The following MAP7 variants were observed in gnomAD, a reference collection of about 807,000 sequenced individuals.
MAP7 encodes microtubule associated protein 7.
A neutral mutation model predicts 94.8 loss-of-function variants in MAP7; 52 were observed. The ratio of observed to expected loss-of-function variants is 0.55; its 90% confidence interval spans 0.44 to 0.69. The LOEUF is 0.69. Among genes scored for constraint, MAP7 ranks in the 30% least tolerant of loss-of-function variants. The pLI is 0.00. For missense variants in MAP7, 940 were observed against 964.6 expected, an observed-to-expected ratio of 0.97 and a Z score of 0.34; for synonymous variants, 350 against 357.0, an observed-to-expected ratio of 0.98 and a Z score of 0.22.
chr6:136,413,126 C>T (rs1455426921), intron 2 of MAP7, among the ~76,000 whole-genome samples: 1 of 152,132 alleles, frequency 6.6e-6, no homozygotes, highest in Non-Finnish European at 1.5e-5. Context: ...CGCGCCATTG[C>T]ACTCCAGCCT....
chr6:136,373,658 A>T (rs1315705937), intron 7 of MAP7, among the ~76,000 whole-genome samples: 1 of 152,236 alleles, frequency 6.6e-6, no homozygotes, highest in Non-Finnish European at 1.5e-5. Context: ...TAGCAAAAAT[A>T]AGACAATTAA....
At chr6:136,399,851 T>G (rs1347073982) in intron 3 of MAP7, among the ~76,000 whole-genome samples, 3 of 152,172 alleles carry the variant, frequency 2.0e-5, no homozygotes, top group Admixed American at 6.5e-5. Context: ...AAGGGAGTTG[T>G]AGAATAAAAT....
intron 1 of MAP7, among the ~76,000 whole-genome samples, chr6:136,451,879 C>T (rs1418358125): frequency 6.6e-6 from 1 of 152,176 alleles, no homozygotes; most frequent in Non-Finnish European, 1.5e-5. Flanking sequence ...AATCTGAATA[C>T]TGAATTGCTG....
chr6:136,356,121 A>G (rs566962967), intron 16 of MAP7, among the ~76,000 whole-genome samples: 2 of 152,362 alleles, frequency 1.3e-5, no homozygotes, highest in Non-Finnish European at 2.9e-5. Flanking sequence ...GATATGGTCC[A>G]TATCAGGCTA....
chr6:136,410,313 A>C (rs575488465), intron 3 of MAP7, among the ~76,000 whole-genome samples: 16 of 152,340 alleles, frequency 1.1e-4, no homozygotes, highest in Admixed American at 3.9e-4. Context: ...AGTGTAAATA[A>C]CAGCCACCCT....
chr6:136,493,304 G>C (rs1817242031), intron 1 of MAP7, among the ~76,000 whole-genome samples: 1 of 152,042 alleles, frequency 6.6e-6, no homozygotes, highest in African/African-American at 2.4e-5. Flanking sequence ...TGTATTTTTA[G>C]AAGAGACGGG....
At chr6:136,408,641 G>A (rs114767591) in intron 3 of MAP7, among the ~76,000 whole-genome samples, 3 of 151,918 alleles carry the variant, frequency 2.0e-5, no homozygotes, top group South Asian at 2.1e-4. Context: ...AATGGTGTCC[G>A]ATTTTTTTTA....
rs549446539 is a variant in MAP7 at position 136,385,178 on chromosome 6, T to TTACC, written c.527-1398_527-1397insGGTA. ...CCTGTGTATTTTTGACTACTATTTA[T>TTACC]AGCACACTGGTAATAAGCAAGTCTT... On this transcript the variant is annotated intron_variant, in intron 5 of 17. Transcript: ENST00000354570. 2.0e-4 allele frequency among the ~76,000 whole-genome samples: 31 copies of TTACC among 152,334 alleles called. No homozygotes were observed. The East Asian group carries it at 5.0e-3, about 25-fold the overall frequency.
chr6:136,546,050 T>G (rs1314876037), intron 1 of MAP7, among the ~76,000 whole-genome samples: 5 of 152,222 alleles, frequency 3.3e-5, no homozygotes, highest in Non-Finnish European at 7.3e-5. Context: ...TCTCGCTCTG[T>G]CACCCAGGCT....
chr6:136,548,366 G>C (rs1432549676), intron 1 of MAP7, among the ~76,000 whole-genome samples: 1 of 151,956 alleles, frequency 6.6e-6, no homozygotes, highest in African/African-American at 2.4e-5. Flanking sequence ...TTTGGCACCT[G>C]CTGACACAAA....
chr6:136,539,634 T>A (rs970639884), intron 1 of MAP7, among the ~76,000 whole-genome samples: 3 of 152,036 alleles, frequency 2.0e-5, no homozygotes, highest in African/African-American at 7.3e-5. Context: ...AAGCTTCAAA[T>A]CACAAAAGAT....
intron 1 of MAP7, among the ~76,000 whole-genome samples, chr6:136,471,876 C>G (rs1428859437): frequency 3.9e-5 from 6 of 152,214 alleles, no homozygotes; most frequent in African/African-American, 9.6e-5. Flanking sequence ...CCAGCTATGA[C>G]TGGCTTTCCT....
At chr6:136,494,468 T>C (rs767224733) in intron 1 of MAP7, among the ~76,000 whole-genome samples, 11 of 152,206 alleles carry the variant, frequency 7.2e-5, no homozygotes, top group Non-Finnish European at 1.2e-4. Flanking sequence ...GAAATACTTG[T>C]GCAGAAAAAT....
intron 1 of MAP7, among the ~76,000 whole-genome samples, chr6:136,457,982 G>T (rs1803905523): frequency 6.6e-6 from 1 of 152,024 alleles, no homozygotes; most frequent in Non-Finnish European, 1.5e-5. Flanking sequence ...CACTGAAAAG[G>T]AAGAAGTAAA....
At chr6:136,512,053 A>C (rs915550687) in intron 1 of MAP7, among the ~76,000 whole-genome samples, 6 of 152,238 alleles carry the variant, frequency 3.9e-5, no homozygotes, top group Non-Finnish European at 7.3e-5. Context: ...GGTCGTTAAT[A>C]CAAAATTCAC....
intron 15 of MAP7, among the ~76,000 whole-genome samples, chr6:136,359,051 T>C (rs1791777013): frequency 6.6e-6 from 1 of 152,212 alleles, no homozygotes; most frequent in Admixed American, 6.5e-5. Context: ...CAGTAGGAAT[T>C]ATGTATGAAA....
chr6:136,436,437 T>C (rs1237632577), intron 1 of MAP7, among the ~76,000 whole-genome samples: 1 of 151,956 alleles, frequency 6.6e-6, no homozygotes, highest in East Asian at 1.9e-4. Flanking sequence ...TGGAGTGCAG[T>C]GGTGTGATCA....
At chr6:136,491,570 G>A (rs991932890) in intron 1 of MAP7, among the ~76,000 whole-genome samples, 1 of 152,168 alleles carries the variant, frequency 6.6e-6, no homozygotes, top group East Asian at 1.9e-4. Flanking sequence ...GGGCAAACCT[G>A]TATCCCTGTG....
intron 10 of MAP7, among the ~76,000 whole-genome samples, chr6:136,365,267 G>C (rs2128580765): frequency 6.6e-6 from 1 of 152,098 alleles, no homozygotes; most frequent in Non-Finnish European, 1.5e-5. Context: ...CACCTGTCTT[G>C]AATCATCTCC....
Sources: allele counts gnomAD v4.1 joint callset (sites outside exome capture counted in the v4.1 genomes callset), GRCh38; gene constraint gnomAD v4.1.1; transcripts MANE v1.5; gene names NCBI Gene and HGNC (gene_info 2026-07-23, HGNC 2026-07-21).